PRRC2C: variants seen among roughly 807,000 people sequenced by gnomAD.
The protein encoded by PRRC2C is protein PRRC2C.
In PRRC2C, 72 loss-of-function variants were observed where a neutral mutation model predicts 317.2. The observed-to-expected ratio is 0.23, with a 90% CI of 0.19 to 0.28. The LOEUF (loss-of-function observed/expected upper bound fraction) is 0.28. PRRC2C is among the 10% of genes least tolerant of loss of function. The probability of loss-of-function intolerance (pLI) is 1.00; values close to 1 mark genes in which losing one functional copy is unlikely to be tolerated. For missense variants in PRRC2C, 3,074 were observed against 3,459.7 expected (o/e 0.89, Z 2.80); for synonymous variants, 1,296 against 1,205.9 (o/e 1.07, Z -1.55).
Position 171,543,008 on chromosome 1 carries a change from C to T in PRRC2C, c.4763+779C>T, listed in dbSNP as rs1171349839. Among the ~76,000 whole-genome samples, 4 of 150,698 alleles carry T rather than the reference C, an allele frequency of 2.7e-5. No individual in the cohort carries two copies. The Admixed American group carries it at 2.7e-4, about 10-fold the overall frequency. ...ATATCCTGACCTCGTGATCCACCCGCCTCGGCCTCCCAAAGTGCTGAGATT... is the reference window on the plus strand; with the variant it reads ...ATATCCTGACCTCGTGATCCACCCGTCTCGGCCTCCCAAAGTGCTGAGATT... On this transcript the variant is annotated intron_variant, in intron 16 of 34. Transcript: ENST00000647382.
At chr1:171,544,394 G>T (rs1049980061) in intron 16 of PRRC2C, among the ~76,000 whole-genome samples, 2 of 152,174 alleles carry the variant, frequency 1.3e-5, no homozygotes, top group African/African-American at 4.8e-5. Flanking sequence ...AAAGTGCTGG[G>T]ATTACAGGTG....
chr1:171,568,410 A>C (rs1054308969), intron 23 of PRRC2C, 71 bp downstream of exon 23: 1 of 1,528,834 alleles, frequency 6.5e-7, no homozygotes, highest in African/African-American at 1.4e-5. Context: ...ACATTATTTC[A>C]TGTTTTATTT....
chr1:171,586,027 C>G (rs992709928), intron 30 of PRRC2C, among the ~76,000 whole-genome samples: 5 of 149,162 alleles, frequency 3.4e-5, no homozygotes, highest in Non-Finnish European at 7.4e-5. Context: ...GTTCTGACCT[C>G]ACTTCGACTG....
chr1:171,561,819 G>A (rs1433808430), intron 20 of PRRC2C, among the ~76,000 whole-genome samples: 1 of 152,154 alleles, frequency 6.6e-6, no homozygotes, highest in Non-Finnish European at 1.5e-5. Context: ...TTTCTCAAAT[G>A]TGATATTGGT....
At chr1:171,488,271 G>A (rs1259545351) in intron 1 of PRRC2C, among the ~76,000 whole-genome samples, 2 of 152,176 alleles carry the variant, frequency 1.3e-5, no homozygotes. Flanking sequence ...AATTGTGTCT[G>A]AGTTATGACA....
At chr1:171,503,525 A>C (rs1221181193) in intron 1 of PRRC2C, among the ~76,000 whole-genome samples, 2 of 147,998 alleles carry the variant, frequency 1.4e-5, no homozygotes, top group African/African-American at 4.9e-5. Context: ...CTCCATCTCA[A>C]AAAAAAAAAA....
chr1:171,536,014 A>G lies in PRRC2C; in HGVS notation c.2044-15A>G. 1 of 1,552,006 alleles carries G rather than the reference A, an allele frequency of 6.4e-7. No individual in the cohort carries two copies. Among genetic ancestry groups the G allele is most frequent in the Non-Finnish European group, 8.7e-7 (1 of 1,146,970 alleles). On this transcript the variant is annotated splice_polypyrimidine_tract_variant and intron_variant, in intron 13 of 34. Transcript: ENST00000647382. ...TGGAACTAAACTCTCAAGATATGGG[A>G]TCTTACTTTTTCAGGAACAGATGAA...
At chr1:171,559,661 A>G (rs1022383751) in intron 19 of PRRC2C, among the ~76,000 whole-genome samples, 3 of 151,804 alleles carry the variant, frequency 2.0e-5, no homozygotes, top group African/African-American at 4.8e-5. Flanking sequence ...ATCTGGGACT[A>G]CAGGCACACG....
intron 9 of PRRC2C, 125 bp downstream of exon 9, chr1:171,523,647 G>A (rs1674010321): frequency 1.2e-6 from 1 of 861,836 alleles, no homozygotes; most frequent in Non-Finnish European, 1.8e-6. Context: ...ATTCTCAGAA[G>A]TTTTACTGAA....
At chr1:171,574,100 T>C (rs1685283519) in intron 24 of PRRC2C, among the ~76,000 whole-genome samples, 3 of 152,128 alleles carry the variant, frequency 2.0e-5, no homozygotes, top group Non-Finnish European at 4.4e-5. Flanking sequence ...CATAAGTCAT[T>C]GCAGCTGGAT....
chr1:171,579,980 G>C lies in PRRC2C; in HGVS notation c.7409+16G>C. 1 of 1,485,332 alleles carries C rather than the reference G, an allele frequency of 6.7e-7. No homozygotes were observed. Among genetic ancestry groups the C allele is most frequent in the Non-Finnish European group, 9.0e-7 (1 of 1,116,776 alleles). The allele number at this position is 1,485,332 out of a possible 1,614,324, so 92.0% of individuals were successfully genotyped here. A position where few individuals can be genotyped will look rare whatever the true frequency, so the allele number is the denominator to read the frequency against. On this transcript the variant is annotated intron_variant, in intron 28 of 34. Transcript: ENST00000647382. ...AACCATATAGGTAAATGCTTTAAAA[G>C]TTATGTTTGTAATGATGTTGAAAAC...
At chr1:171,569,072 G>A (rs1684220055) in intron 23 of PRRC2C, among the ~76,000 whole-genome samples, 2 of 152,152 alleles carry the variant, frequency 1.3e-5, no homozygotes, top group Middle Eastern at 3.2e-3. Flanking sequence ...TAGTTATACA[G>A]TGTCATTTAT....
intron 1 of PRRC2C, among the ~76,000 whole-genome samples, chr1:171,496,237 C>G (rs1431715309): frequency 8.6e-6 from 1 of 116,232 alleles, no homozygotes; most frequent in African/African-American, 3.6e-5. Context: ...GGGTCTCCCC[C>G]TGTTGCCCTG....
intron 1 of PRRC2C, among the ~76,000 whole-genome samples, chr1:171,487,620 A>G (rs193004151): frequency 3.0e-4 from 46 of 152,268 alleles, no homozygotes; most frequent in Non-Finnish European, 5.0e-4. Flanking sequence ...CGTCTGATCT[A>G]TATTATTGGT....
At chr1:171,589,925 T>A (rs181058244) in intron 34 of PRRC2C, among the ~76,000 whole-genome samples, 188 of 151,506 alleles carry the variant, frequency 1.2e-3, no homozygotes, top group African/African-American at 4.4e-3. Context: ...AGATGCACAC[T>A]TTTTTTTGGA....
At chr1:171,529,257 A>G (rs1166240701) in intron 11 of PRRC2C, among the ~76,000 whole-genome samples, 5 of 152,092 alleles carry the variant, frequency 3.3e-5, no homozygotes, top group Non-Finnish European at 4.4e-5. Flanking sequence ...TATGTCTTCT[A>G]TGAGCTGATG....
At chr1:171,506,173 A>C (rs1055078042) in intron 1 of PRRC2C, among the ~76,000 whole-genome samples, 3 of 152,224 alleles carry the variant, frequency 2.0e-5, no homozygotes, top group Non-Finnish European at 4.4e-5. Context: ...CTGGGAATAC[A>C]GGCATGAGCC....
intron 34 of PRRC2C, chr1:171,591,373 G>GTTTTT: frequency 1.4e-4 from 38 of 267,942 alleles, no homozygotes; most frequent in South Asian, 6.5e-4. Flanking sequence ...TGGTCCTGTG[G>GTTTTT]TTTTTTTTTT....
At chr1:171,569,773 T>A (rs1684419797) in intron 23 of PRRC2C, among the ~76,000 whole-genome samples, 1 of 151,296 alleles carries the variant, frequency 6.6e-6, no homozygotes. Flanking sequence ...TTCTCATTTT[T>A]AAAAAATACA....
Sources: allele counts gnomAD v4.1 joint callset (sites outside exome capture counted in the v4.1 genomes callset), GRCh38; gene constraint gnomAD v4.1.1; transcripts MANE v1.5; gene names NCBI Gene and HGNC (gene_info 2026-07-23, HGNC 2026-07-21).